ALX4: variants seen among roughly 807,000 people sequenced by gnomAD.
The protein encoded by ALX4 is homeobox protein aristaless-like 4.
ALX4 carries 22 observed loss-of-function variants against 40.6 expected under a neutral mutation model. The ratio of observed to expected loss-of-function variants is 0.54; its 90% confidence interval spans 0.39 to 0.77. ALX4 has a LOEUF of 0.77. ALX4 is among the 30% of genes least tolerant of loss of function. The pLI is 0.00. For missense variants in ALX4, 556 were observed against 564.8 expected (o/e 0.98, Z 0.16); for synonymous variants, 266 against 240.5 (o/e 1.11, Z -0.98).
At chr11:44,309,478 A>T in intron 1 of ALX4, 119 bp downstream of exon 1, 2 of 1,490,316 alleles carry the variant, frequency 1.3e-6, no homozygotes, top group South Asian at 2.6e-5. Flanking sequence ...TACCGACCAG[A>T]GTCACCACCC....
chr11:44,280,866 A>G (rs1386027832), intron 1 of ALX4, among the ~76,000 whole-genome samples: 1 of 152,136 alleles, frequency 6.6e-6, no homozygotes, highest in Non-Finnish European at 1.5e-5. Flanking sequence ...GAGCCCTTCA[A>G]CCTCTGCTGG....
chr11:44,283,704 C>T (rs1388252727), intron 1 of ALX4, among the ~76,000 whole-genome samples: 3 of 152,272 alleles, frequency 2.0e-5, no homozygotes, highest in South Asian at 4.1e-4. Flanking sequence ...GCCAGGACTA[C>T]AGGCATGGGC....
chr11:44,282,145 A>G (rs1956313913), intron 1 of ALX4, among the ~76,000 whole-genome samples: 1 of 152,254 alleles, frequency 6.6e-6, no homozygotes, highest in African/African-American at 2.4e-5. Flanking sequence ...AAATCTGAAT[A>G]AAGTGTGGAG....
chr11:44,284,671 C>G (rs998284854), intron 1 of ALX4, among the ~76,000 whole-genome samples: 1 of 152,192 alleles, frequency 6.6e-6, no homozygotes, highest in African/African-American at 2.4e-5. Flanking sequence ...GTTCAGAGAC[C>G]TGCTTCCGCT....
chr11:44,298,888 AAG>A (rs1425519931), intron 1 of ALX4, among the ~76,000 whole-genome samples: 1 of 152,144 alleles, frequency 6.6e-6, no homozygotes, highest in Admixed American at 6.5e-5. Flanking sequence ...AGGATGAACG[AAG>A]AGAGAGTGGA....
intron 1 of ALX4, among the ~76,000 whole-genome samples, chr11:44,288,584 C>G: frequency 6.6e-6 from 1 of 152,174 alleles, no homozygotes; most frequent in Non-Finnish European, 1.5e-5. Flanking sequence ...TACAAGGGGC[C>G]TTGTACGTTG....
rs1956477695 is a variant in ALX4, at chr11:44,307,763, G to T, written c.466+1834C>A. ...CGGACAGGGCTGAGAGTCTCTGCTGGCTTAGCACGGAAAGAGTGCCTGTAT... is the reference window on the plus strand; with the variant it reads ...CGGACAGGGCTGAGAGTCTCTGCTGTCTTAGCACGGAAAGAGTGCCTGTAT... On this transcript the variant is annotated intron_variant, in intron 1 of 3. Transcript: ENST00000652299. Among the ~76,000 whole-genome samples, 5 of 152,160 alleles carry T rather than the reference G, an allele frequency of 3.3e-5. No individual in the cohort carries two copies. The South Asian group carries it at 8.3e-4, about 25-fold the overall frequency.
intron 1 of ALX4, among the ~76,000 whole-genome samples, chr11:44,309,178 C>CCCCGCAG (rs1565013067): frequency 2.0e-5 from 1 of 49,204 alleles, no homozygotes; most frequent in African/African-American, 4.4e-5. Context: ...AGCCCCGCAG[C>CCCCGCAG]CTCGCAGCCC....
intron 1 of ALX4, among the ~76,000 whole-genome samples, chr11:44,282,486 T>G (rs1472525846): frequency 6.6e-6 from 1 of 152,126 alleles, no homozygotes; most frequent in Non-Finnish European, 1.5e-5. Context: ...ACAGAAATAA[T>G]GACTTATTTT....
chr11:44,265,114 C>T lies in ALX4; in HGVS notation c.976G>A (p.Asp326Asn), dbSNP rs186244229. The change falls in exon 4 of 4, where the codon GAC becomes AAC. Residue 326 changes from aspartate (D) to asparagine (N), a missense_variant. By Grantham distance (23) the Asp-to-Asn change is conservative. Transcript: ENST00000652299. ...SPVPACVVPC[D>N]PVPACMSPHA... ...GGGGACATGCAGGCAGGCACCGGGT[C>T]GCAGGGGACCACGCAGGCTGGCACT... The T allele has an allele frequency of 3.8e-5, 61 of 1,612,022 alleles. No individual in the cohort carries two copies. In the Admixed American group the frequency reaches 6.5e-4, roughly 17 times the overall value.
intron 1 of ALX4, among the ~76,000 whole-genome samples, chr11:44,304,693 C>T (rs1956456021): frequency 6.6e-6 from 1 of 152,190 alleles, no homozygotes; most frequent in Non-Finnish European, 1.5e-5. Context: ...TTTCAGTTTG[C>T]CACCAAAACA....
chr11:44,299,784 C>T (rs111985887), intron 1 of ALX4, among the ~76,000 whole-genome samples: 1,617 of 152,266 alleles, frequency 0.011, 25 homozygotes, highest in African/African-American at 0.037. Context: ...TTGGAGCCCT[C>T]GGCCAGCAAG....
chr11:44,285,464 A>G (rs1275772251), intron 1 of ALX4, among the ~76,000 whole-genome samples: 4 of 152,230 alleles, frequency 2.6e-5, no homozygotes, highest in Non-Finnish European at 5.9e-5. Context: ...CAATACATGC[A>G]TGGCGATTCC....
chr11:44,267,580 G>C lies in ALX4; in HGVS notation c.820C>G (p.Arg274Gly). Residue 274 changes from arginine (R) to glycine (G), a missense_variant, in exon 3 of 4, where the codon CGT becomes GGT. Coordinates refer to ENST00000652299, the MANE Select transcript of ALX4 (RefSeq NM_021926.4). ...NRRAKWRKRE[R>G]FGQMQQVRTH... ...CGAACCTGCTGCATCTGCCCAAAACGCTCCCGCTTCCTCCACTTGGCCCTT... is the reference window on the plus strand; with the variant it reads ...CGAACCTGCTGCATCTGCCCAAAACCCTCCCGCTTCCTCCACTTGGCCCTT... 1 of 1,614,090 alleles carries C rather than the reference G, an allele frequency of 6.2e-7. No individual in the cohort carries two copies. Among genetic ancestry groups the C allele is most frequent in the Non-Finnish European group, 8.5e-7 (1 of 1,180,026 alleles).
intron 1 of ALX4, among the ~76,000 whole-genome samples, chr11:44,283,518 A>G (rs1413109536): frequency 6.6e-6 from 1 of 152,210 alleles, no homozygotes; most frequent in Non-Finnish European, 1.5e-5. Flanking sequence ...TAAATAAAGG[A>G]TGATATTTCC....
Position 44,309,880 on chromosome 11 carries a change from C to G in ALX4, c.183G>C (p.Lys61Asn). ...AAKAQGFGDA[K>N]SRARYGAGQQ... ...GCCCAGCGCCGTAACGGGCCCGGCTCTTGGCGTCCCCGAATCCCTGTGCTT... is the reference window on the plus strand; with the variant it reads ...GCCCAGCGCCGTAACGGGCCCGGCTGTTGGCGTCCCCGAATCCCTGTGCTT... Residue 61 changes from lysine (K) to asparagine (N), a missense_variant, in exon 1 of 4, where the codon AAG becomes AAC. Physicochemically the swap from Lys to Asn is moderately conservative, Grantham distance 94. Coordinates refer to ENST00000652299, the MANE Select transcript of ALX4 (RefSeq NM_021926.4). The G allele has an allele frequency of 6.3e-7, 1 of 1,576,210 alleles. No homozygotes were observed. The highest frequency in any genetic ancestry group is 1.8e-5 in the Admixed American group (1 of 55,470).
At chr11:44,303,791 G>T (rs1956449653) in intron 1 of ALX4, among the ~76,000 whole-genome samples, 1 of 152,206 alleles carries the variant, frequency 6.6e-6, no homozygotes, top group Admixed American at 6.5e-5. Context: ...AGCTTCTTCC[G>T]CATCACCAAA....
intron 2 of ALX4, among the ~76,000 whole-genome samples, chr11:44,273,062 T>C (rs901252536): frequency 6.6e-6 from 1 of 152,132 alleles, no homozygotes; most frequent in African/African-American, 2.4e-5. Context: ...CTTAGAACAA[T>C]GCTGCTGAAG....
chr11:44,295,897 C>A (rs1956399978), intron 1 of ALX4, among the ~76,000 whole-genome samples: 1 of 152,238 alleles, frequency 6.6e-6, no homozygotes, highest in Non-Finnish European at 1.5e-5. Context: ...AGGGGCCTAG[C>A]CAGGGCCAAG....
Sources: gnomAD v4.1 joint callset for allele counts (sites outside exome capture counted in the v4.1 genomes callset) on GRCh38, gnomAD v4.1.1 for gene constraint, MANE v1.5 for transcripts, NCBI Gene and HGNC (gene_info 2026-07-23, HGNC 2026-07-21) for gene names.